ZNF783: variants seen among roughly 807,000 people sequenced by gnomAD.
The protein encoded by ZNF783 is zinc finger protein 783.
In ZNF783, 25 loss-of-function variants were observed where a neutral mutation model predicts 31.3. The ratio of observed to expected loss-of-function variants is 0.80; its 90% CI spans 0.58 to 1.11. The LOEUF is 1.11. ZNF783 is among the 50% of genes most tolerant of loss of function. The pLI, the probability that ZNF783 is intolerant of heterozygous loss-of-function variation, is 0.00. For missense variants in ZNF783, 797 were observed against 760.0 expected, an observed-to-expected ratio of 1.05 and a Z score of -0.57; for synonymous variants, 369 against 319.1, an observed-to-expected ratio of 1.16 and a Z score of -1.66.
chr7:149,282,534 C>T lies in ZNF783; in HGVS notation c.*191C>T, dbSNP rs564520412. The T allele has an allele frequency of 2.8e-4, 157 of 566,076 alleles. No individual in the cohort carries two copies. In the East Asian group the frequency reaches 4.2e-3, roughly 15 times the overall value. 35.1% of individuals were successfully genotyped at this position (566,076 alleles called of 1,614,324 possible). On this transcript the variant is annotated 3_prime_UTR_variant, in exon 6 of 6. Transcript: ENST00000434415. ...CTGTTTGCACTCTTCGCTGCCTTTT[C>T]TGCATTCCTGACTTCTAAAAGATGC...
chr7:149,263,268 G>A (rs965833031), intron 1 of ZNF783, among the ~76,000 whole-genome samples: 9 of 32,194 alleles, frequency 2.8e-4, no homozygotes, highest in African/African-American at 5.8e-4. Context: ...ATATATACGT[G>A]TGTGTGTGTG....
intron 4 of ZNF783, among the ~76,000 whole-genome samples, chr7:149,275,232 T>C (rs746272186): frequency 6.6e-6 from 1 of 152,180 alleles, no homozygotes; most frequent in East Asian, 1.9e-4. Context: ...GCTACTGATT[T>C]TGTATATTGA....
At position 149,282,289 on chromosome 7, in the gene ZNF783, C is replaced by T. The variant is rs914735208; in HGVS notation, c.1587C>T (p.Pro529=). The T allele has an allele frequency of 1.9e-6, 3 of 1,569,522 alleles. No individual in the cohort carries two copies. Among genetic ancestry groups the T allele is most frequent in the Non-Finnish European group, 1.7e-6 (2 of 1,166,556 alleles). Residue 529 remains proline (P), a synonymous_variant, in exon 6 of 6, where the codon CCC becomes CCT. Coordinates refer to ENST00000434415, the MANE Select transcript of ZNF783 (RefSeq NM_001195220.2). ...TGGGCCCACACTTCCCTGCCGCCCC[C>T]GCCCGCCACGGGAGCCTGCCCCTGC... is the stretch of plus-strand genomic sequence containing the variant. ...GQVGPHFPAA[P]ARHGSLPLPW... is the part of the protein sequence containing the mutation.
rs753080128 is a variant in ZNF783, at chr7:149,281,825, G to A, written c.1123G>A (p.Gly375Arg). Residue 375 changes from glycine to arginine, a missense_variant, in exon 6 of 6, where the codon GGG becomes AGG. Physicochemically the swap from Gly to Arg is moderately radical, Grantham distance 125. Transcript: ENST00000434415. ...TCATCAGCGGACCCATGTGGAGGAG[G>A]GGCGGCAGGAGGCCCCCGGCCGCTC... ...TIHQRTHVEE[G>R]RQEAPGRSPT... 1.3e-6 allele frequency: 2 copies of A among 1,507,094 alleles called. No individual in the cohort carries two copies. The highest frequency in any genetic ancestry group is 2.2e-5 in the Admixed American group (1 of 45,332). 93.4% of individuals were successfully genotyped at this position (1,507,094 alleles called of 1,614,324 possible).
chr7:149,280,544 G>A (rs961767268), intron 5 of ZNF783, among the ~76,000 whole-genome samples: 1 of 152,136 alleles, frequency 6.6e-6, no homozygotes, highest in Non-Finnish European at 1.5e-5. Context: ...GTCCTTCCTG[G>A]TCTTTCCCCA....
chr7:149,264,867 C>T lies in ZNF783; in HGVS notation c.25-1468C>T, dbSNP rs374613567. Among the ~76,000 whole-genome samples, 760 of 131,880 alleles carry T rather than the reference C, an allele frequency of 5.8e-3. 10 individuals carry two copies. The highest frequency in any genetic ancestry group is 0.021 in the African/African-American group (692 of 33,634). The allele number at this position is 131,880 out of a possible 152,430, so 86.5% of individuals were successfully genotyped here. ...CAGCCTGGGCGACAGAGCAAGACTC[C>T]GTCTCAAAAAAAAAAAAAAAAAAAA... is the stretch of plus-strand genomic sequence containing the variant. On this transcript the variant is annotated intron_variant, in intron 1 of 5. Transcript: ENST00000434415.
At chr7:149,273,778 G>A (rs575752508) in intron 4 of ZNF783, among the ~76,000 whole-genome samples, 36 of 152,082 alleles carry the variant, frequency 2.4e-4, no homozygotes, top group Non-Finnish European at 4.4e-4. Context: ...TCCTGGACTC[G>A]AGCAATCTTC....
At chr7:149,280,922 G>C (rs776859757) in intron 5 of ZNF783, among the ~76,000 whole-genome samples, 2 of 152,232 alleles carry the variant, frequency 1.3e-5, no homozygotes, top group Non-Finnish European at 2.9e-5. Flanking sequence ...CACAGACCCA[G>C]GCAGGAATCT....
In ZNF783 at chr7:149,283,932, G is replaced by C. The variant is rs1044951241; in HGVS notation, c.*1589G>C. 2.0e-5 allele frequency: 3 copies of C among 152,236 alleles called. No individual in the cohort carries two copies. Among genetic ancestry groups the C allele is most frequent in the Admixed American group, 1.3e-4 (2 of 15,282 alleles). The allele number at this position is 152,236 out of a possible 1,614,324, so 9.4% of individuals were successfully genotyped here. A position where few individuals can be genotyped will look rare whatever the true frequency, so the allele number is the denominator to read the frequency against. On this transcript the variant is annotated 3_prime_UTR_variant, in exon 6 of 6. Coordinates refer to ENST00000434415, the MANE Select transcript of ZNF783 (RefSeq NM_001195220.2). ...CCTTTATCTTCTGGAGTGAGTGGCA[G>C]TTCCACTGGGTTCAGTGAAAGAGTC...
At chr7:149,266,211 T>C (rs1254020484) in intron 1 of ZNF783, 124 bp from the exon 2 acceptor site, 2 of 1,164,776 alleles carry the variant, frequency 1.7e-6, no homozygotes, top group Non-Finnish European at 2.3e-6. Flanking sequence ...CCCAGTCTGC[T>C]GCTAACTCAG....
At chr7:149,279,430 C>T (rs1008301190) in intron 5 of ZNF783, among the ~76,000 whole-genome samples, 2 of 152,182 alleles carry the variant, frequency 1.3e-5, no homozygotes, top group East Asian at 1.9e-4. Flanking sequence ...ACATGGCCTT[C>T]GTAGCTCTTG....
rs760233287 is a variant in ZNF783, at chr7:149,278,384, A to G, written c.674-15A>G. 7.5e-6 allele frequency: 12 copies of G among 1,598,766 alleles called. No individual in the cohort carries two copies. Among genetic ancestry groups the G allele is most frequent in the Admixed American group, 5.0e-5 (3 of 59,948 alleles). ...CTCCATGTTGTGCTCAATGTCACTG[A>G]TTTACATTCTCCAGGCCTCCCTCCG... On this transcript the variant is annotated splice_polypyrimidine_tract_variant and intron_variant, in intron 4 of 5. Coordinates refer to ENST00000434415, the MANE Select transcript of ZNF783 (RefSeq NM_001195220.2).
chr7:149,270,797 G>T (rs1797192049), intron 4 of ZNF783, among the ~76,000 whole-genome samples: 1 of 152,142 alleles, frequency 6.6e-6, no homozygotes, highest in African/African-American at 2.4e-5. Context: ...ATTTCTATTG[G>T]TGAGGAGTGG....
chr7:149,266,090 C>T (rs982801219), intron 1 of ZNF783, among the ~76,000 whole-genome samples: 17 of 152,178 alleles, frequency 1.1e-4, no homozygotes, highest in African/African-American at 3.4e-4. Context: ...GGACAGGAGC[C>T]GGGGCTGTTT....
chr7:149,266,749 G>C lies in ZNF783; in HGVS notation c.420+19G>C. 1 of 1,613,560 alleles carries C rather than the reference G, an allele frequency of 6.2e-7. No individual in the cohort carries two copies. The highest frequency in any genetic ancestry group is 1.7e-4 in the Middle Eastern group (1 of 6,058). On this transcript the variant is annotated intron_variant, in intron 2 of 5. Coordinates refer to ENST00000434415, the MANE Select transcript of ZNF783 (RefSeq NM_001195220.2). ...CCCCAAGGTAGCACCGGGACACCCT[G>C]GGGTGGGGGAGCTCGAGGGGCTGAG...
intron 4 of ZNF783, among the ~76,000 whole-genome samples, chr7:149,274,797 C>T (rs1411199400): frequency 1.3e-5 from 2 of 152,064 alleles, no homozygotes; most frequent in Non-Finnish European, 2.9e-5. Flanking sequence ...TTTTGATTAC[C>T]GTAGATCTGT....
intron 3 of ZNF783, 60 bp downstream of exon 3, chr7:149,267,005 G>A (rs752917046): frequency 3.1e-6 from 5 of 1,613,316 alleles, no homozygotes; most frequent in Non-Finnish European, 4.2e-6. Context: ...GACAGTCTGT[G>A]TCTTTGCTTT....
chr7:149,266,620 C>T lies in ZNF783; in HGVS notation c.310C>T (p.Gln104Ter). The T allele has an allele frequency of 6.2e-7, 1 of 1,614,140 alleles. No individual in the cohort carries two copies. Among genetic ancestry groups the T allele is most frequent in the Non-Finnish European group, 8.5e-7 (1 of 1,180,040 alleles). ...GTGGGCCGTGCTGGGGACCTTGCTG[C>T]AGGAGTACGGGCTGCTGCAGAGGCG... ...GKWAVLGTLL[Q>*]EYGLLQRRLE... The change falls in exon 2 of 6, where the codon CAG becomes TAG. Residue 104 changes from glutamine to a stop codon, truncating the protein, a stop_gained. Transcript: ENST00000434415. LOFTEE classifies it high-confidence loss of function.
At chr7:149,264,378 T>G (rs1797010482) in intron 1 of ZNF783, among the ~76,000 whole-genome samples, 1 of 151,924 alleles carries the variant, frequency 6.6e-6, no homozygotes, top group African/African-American at 2.4e-5. Context: ...AGAGCTGATG[T>G]GAAGTTGGAG....
Sources: allele counts gnomAD v4.1 joint callset (sites outside exome capture counted in the v4.1 genomes callset), GRCh38; gene constraint gnomAD v4.1.1; transcripts MANE v1.5; gene names NCBI Gene and HGNC (gene_info 2026-07-23, HGNC 2026-07-21).